The following DCLK3 variants were observed in gnomAD, a reference collection of about 807,000 sequenced individuals.
DCLK3 encodes serine/threonine-protein kinase DCLK3.
A neutral mutation model predicts 46.4 loss-of-function variants in DCLK3; 30 were observed. The ratio of observed to expected loss-of-function variants is 0.65; its 90% CI spans 0.48 to 0.88. The LOEUF (loss-of-function observed/expected upper bound fraction) is 0.88. Ranked by LOEUF, DCLK3 falls within the 40% of genes least tolerant of loss-of-function variation. The pLI, the probability that DCLK3 is intolerant of heterozygous loss-of-function variation, is 0.00. For synonymous variants in DCLK3, 401 were observed against 339.2 expected, an observed-to-expected ratio of 1.18 and a Z score of -2.00; for missense variants, 846 against 907.1, an observed-to-expected ratio of 0.93 and a Z score of 0.87.
intron 1 of DCLK3, among the ~76,000 whole-genome samples, chr3:36,759,201 A>G (rs542113392): frequency 6.6e-6 from 1 of 152,358 alleles, no homozygotes; most frequent in South Asian, 2.1e-4. Flanking sequence ...AATGAGGCTT[A>G]AGCTTCATAA....
At chr3:36,722,082 T>C (rs1701068414) in intron 2 of DCLK3, among the ~76,000 whole-genome samples, 1 of 152,034 alleles carries the variant, frequency 6.6e-6, no homozygotes, top group South Asian at 2.1e-4. Context: ...AGAACAAGGA[T>C]CAAGGATACT....
intron 2 of DCLK3, among the ~76,000 whole-genome samples, chr3:36,724,814 C>T (rs1701105648): frequency 6.6e-6 from 1 of 151,950 alleles, no homozygotes; most frequent in Non-Finnish European, 1.5e-5. Context: ...TACATACCCA[C>T]AAAAATTAAA....
chr3:36,735,829 A>T (rs999203540), intron 2 of DCLK3, among the ~76,000 whole-genome samples: 1 of 152,244 alleles, frequency 6.6e-6, no homozygotes, highest in Non-Finnish European at 1.5e-5. Context: ...TATGGCCTTT[A>T]GGCATTCATA....
intron 3 of DCLK3, 129 bp downstream of exon 3, chr3:36,721,398 G>A (rs569486272): frequency 1.6e-5 from 20 of 1,281,814 alleles, no homozygotes; most frequent in Non-Finnish European, 2.1e-5. Context: ...TATTTTCATT[G>A]AAGTCCAAAT....
chr3:36,752,006 T>C (rs148901388), intron 1 of DCLK3, among the ~76,000 whole-genome samples: 78 of 152,382 alleles, frequency 5.1e-4, no homozygotes, highest in Admixed American at 3.3e-3. Flanking sequence ...CAGCACACTG[T>C]CATGGATTCC....
At chr3:36,742,942 C>G (rs533330629) in intron 1 of DCLK3, among the ~76,000 whole-genome samples, 34 of 152,228 alleles carry the variant, frequency 2.2e-4, no homozygotes, top group Non-Finnish European at 4.4e-4. Flanking sequence ...GAACCTAACC[C>G]AATCAACCTT....
In DCLK3 at chr3:36,714,727, T is replaced by A. The variant is rs1021058132; in HGVS notation, c.*601A>T. 6.6e-6 allele frequency: 1 copy of A among 152,294 alleles called. No homozygotes were observed. The highest frequency in any genetic ancestry group is 1.5e-5 in the Non-Finnish European group (1 of 68,110). The allele number at this position is 152,294 out of a possible 1,614,324, so 9.4% of individuals were successfully genotyped here. A position where few individuals can be genotyped will look rare whatever the true frequency, so the allele number is the denominator to read the frequency against. On this transcript the variant is annotated 3_prime_UTR_variant, in exon 5 of 5. Transcript: ENST00000636136. ...TCCATGTCTCAGACTGCACCAAAAC[T>A]GATTTTTGGTAAGACTGAAATGCAA...
At chr3:36,725,254 G>A (rs1018264704) in intron 2 of DCLK3, among the ~76,000 whole-genome samples, 3 of 149,158 alleles carry the variant, frequency 2.0e-5, no homozygotes, top group Non-Finnish European at 3.0e-5. Context: ...GGAGCTTGAA[G>A]TGAGCTGAGC....
At chr3:36,741,630 T>C (rs565993902) in intron 1 of DCLK3, among the ~76,000 whole-genome samples, 1 of 152,252 alleles carries the variant, frequency 6.6e-6, no homozygotes, top group Admixed American at 6.5e-5. Flanking sequence ...GGCCACCCAG[T>C]ACATAGCAAA....
In DCLK3 at chr3:36,730,706, G is replaced by C. The variant is rs536747606; in HGVS notation, c.1959+6502C>G. ...AGAGACTACCACATTGGGCTATGCA[G>C]ATACAGGAAATCTGTATCTCCATCA... On this transcript the variant is annotated intron_variant, in intron 2 of 4. Transcript: ENST00000636136. Among the ~76,000 whole-genome samples the C allele has an allele frequency of 4.5e-4, 69 of 152,096 alleles. 4 individuals carry two copies. The South Asian group carries it at 0.014, about 32-fold the overall frequency.
At chr3:36,721,467 C>A in intron 3 of DCLK3, 60 bp downstream of exon 3, 1 of 1,582,274 alleles carries the variant, frequency 6.3e-7, no homozygotes, top group South Asian at 1.2e-5. Flanking sequence ...GTAAATATGA[C>A]AAATGAAACA....
rs376529443 is a variant in DCLK3, at chr3:36,738,199, C to A, written c.968G>T (p.Arg323Leu). The change falls in exon 2 of 5, where the codon CGT (arginine) becomes CTT (leucine). Residue 323 changes from arginine to leucine, a missense_variant. Around this residue, in one of 3 missense-constraint regions of DCLK3, gnomAD observed 553 missense variants for 543.0 expected, o/e 1.02. Transcript: ENST00000636136. ...RERELQQSLE[R>L]ERLSLGTSEL... Reference sequence around the variant, plus strand: ...ACTGGTCCCCAGAGAAAGCCTCTCACGCTCCAGGCTCTGCTGGAGCTCCCT... The same window carrying A: ...ACTGGTCCCCAGAGAAAGCCTCTCAAGCTCCAGGCTCTGCTGGAGCTCCCT... 4.3e-6 allele frequency: 7 copies of A among 1,612,938 alleles called. No homozygotes were observed. In the South Asian group the frequency reaches 5.5e-5, roughly 13 times the overall value.
Position 36,737,611 on chromosome 3 carries a change from G to A in DCLK3, c.1556C>T (p.Ala519Val), listed in dbSNP as rs765654979. 6.2e-7 allele frequency: 1 copy of A among 1,614,140 alleles called. No individual in the cohort carries two copies. Among genetic ancestry groups the A allele is most frequent in the Non-Finnish European group, 8.5e-7 (1 of 1,180,018 alleles). Reference sequence around the variant, plus strand: ...AGTCTCATAATGCTTTTCCACATTGGCGGCAATGATGCCCATGGGCCGTGG... The same window carrying A: ...AGTCTCATAATGCTTTTCCACATTGACGGCAATGATGCCCATGGGCCGTGG... ...RKPRPMGIIAANVEKHYETGR... is the reference protein window; with the variant it reads ...RKPRPMGIIAVNVEKHYETGR... The change falls in exon 2 of 5, where the codon GCC (alanine) becomes GTC (valine). Residue 519 changes from alanine (A) to valine (V), a missense_variant. By Grantham distance (64) the Ala-to-Val change is moderately conservative. Around this residue, in one of 3 missense-constraint regions of DCLK3, gnomAD observed 553 missense variants for 543.0 expected, o/e 1.02. Coordinates refer to ENST00000636136, the MANE Select transcript of DCLK3 (RefSeq NM_001394672.2). The surrounding 1 kb of genome is among the most constrained non-coding windows in gnomAD (Gnocchi z 4.4).
intron 1 of DCLK3, among the ~76,000 whole-genome samples, chr3:36,742,052 C>T (rs1164828160): frequency 1.3e-5 from 2 of 152,066 alleles, no homozygotes; most frequent in Non-Finnish European, 2.9e-5. Flanking sequence ...TCAGGAAAGC[C>T]CCTGAACCCT....
At chr3:36,731,828 C>G (rs1279814354) in intron 2 of DCLK3, among the ~76,000 whole-genome samples, 1 of 152,134 alleles carries the variant, frequency 6.6e-6, no homozygotes, top group African/African-American at 2.4e-5. Context: ...CACATAAACC[C>G]TAACATGTGG....
intron 1 of DCLK3, among the ~76,000 whole-genome samples, chr3:36,755,559 A>G (rs1416277507): frequency 6.6e-6 from 1 of 152,194 alleles, no homozygotes; most frequent in Non-Finnish European, 1.5e-5. Context: ...CAGATGAATT[A>G]AAAACCATAG....
chr3:36,746,029 G>A (rs1701390724), intron 1 of DCLK3, among the ~76,000 whole-genome samples: 1 of 152,218 alleles, frequency 6.6e-6, no homozygotes, highest in South Asian at 2.1e-4. Context: ...TGTCATCACT[G>A]ATGACACTCC....
At chr3:36,739,979 T>G (rs1027097658) in intron 1 of DCLK3, 2 of 152,122 alleles carry the variant, frequency 1.3e-5, no homozygotes, top group Admixed American at 6.6e-5. Flanking sequence ...CCAAGAACAT[T>G]TTTTTTCAGC....
intron 1 of DCLK3, among the ~76,000 whole-genome samples, chr3:36,748,557 A>C (rs1204716212): frequency 6.6e-6 from 1 of 152,140 alleles, no homozygotes; most frequent in Non-Finnish European, 1.5e-5. Context: ...AACAGGAGGA[A>C]GGATTCAGAA....
Sources: gnomAD v4.1 joint callset for allele counts (sites outside exome capture counted in the v4.1 genomes callset) on GRCh38, gnomAD v4.1.1 for gene constraint, gnomAD v4.1.1 regional missense constraint, Gnocchi (gnomAD v3.1) non-coding constraint, MANE v1.5 for transcripts, NCBI Gene and HGNC (gene_info 2026-07-23, HGNC 2026-07-21) for gene names.